Variants in UBR4 observed in about 807,000 individuals in gnomAD.
The protein encoded by UBR4 is E3 ubiquitin-protein ligase UBR4.
A neutral mutation model predicts 575.6 loss-of-function variants in UBR4; 124 were observed. The observed-to-expected ratio is 0.22, with a 90% CI of 0.19 to 0.25. The LOEUF (loss-of-function observed/expected upper bound fraction) is 0.25, where lower values mean the gene tolerates loss of function less well. Among genes scored for constraint, UBR4 ranks in the 10% least tolerant of loss-of-function variants. The pLI, the probability that UBR4 is intolerant of heterozygous loss-of-function variation, is 1.00. For synonymous variants in UBR4, 2,455 were observed against 2,473.7 expected, an observed-to-expected ratio of 0.99 and a Z score of 0.22; for missense variants, 4,818 against 6,478.8, an observed-to-expected ratio of 0.74 and a Z score of 8.80.
At chr1:19,138,207 CA>C (rs759100064) in intron 59 of UBR4, 26 bp from the exon 60 acceptor site, 20 of 1,477,716 alleles carry the variant, frequency 1.4e-5, no homozygotes, top group Non-Finnish European at 1.7e-5. Context: ...TTAAAAAGCA[CA>C]AATCAACTCC....
intron 4 of UBR4, 44 bp downstream of exon 4, chr1:19,198,755 C>T: frequency 6.2e-7 from 1 of 1,612,968 alleles, no homozygotes; most frequent in Non-Finnish European, 8.5e-7. Context: ...GAAAAGGTGC[C>T]ATGGGGGTGG....
At position 19,119,408 on chromosome 1, in the gene UBR4, T is replaced by A. The variant is rs780972359; in HGVS notation, c.10455+149A>T. 757 of 1,119,546 alleles carry A rather than the reference T, an allele frequency of 6.8e-4. 1 individual carries two copies. The highest frequency in any genetic ancestry group is 8.7e-4 in the Non-Finnish European group (681 of 783,726). 69.4% of individuals were successfully genotyped at this position (1,119,546 alleles called of 1,614,324 possible). On this transcript the variant is annotated intron_variant, in intron 70 of 105. Transcript: ENST00000375254. The stretch of plus-strand genomic sequence containing the variant: ...GTCTACATCACAGACATATTACGAG[T>A]GCTTACCAAGAAATGCAAAACTAGA...
intron 55 of UBR4, among the ~76,000 whole-genome samples, chr1:19,143,302 G>T (rs879503407): frequency 4.2e-4 from 50 of 117,960 alleles, no homozygotes; most frequent in South Asian, 1.0e-3. Flanking sequence ...AAGAAAGAAA[G>T]AAAGAAAGAA....
intron 26 of UBR4, among the ~76,000 whole-genome samples, chr1:19,170,527 G>A (rs1037068426): frequency 1.3e-5 from 2 of 152,248 alleles, no homozygotes; most frequent in African/African-American, 4.8e-5. Context: ...GCAAGATGCA[G>A]GATTGTGGAC....
chr1:19,177,454 T>C lies in UBR4; in HGVS notation c.2637+7A>G. On this transcript the variant is annotated splice_region_variant and intron_variant, in intron 19 of 105. Transcript: ENST00000375254. ...GGTGAAGCAAAAAAGAACGTGTTGG[T>C]CTGTACCTGCTCAAATAGATACACA... 6.2e-7 allele frequency: 1 copy of C among 1,612,768 alleles called. No individual in the cohort carries two copies. The highest frequency in any genetic ancestry group is 8.5e-7 in the Non-Finnish European group (1 of 1,178,882).
intron 73 of UBR4, 99 bp from the exon 74 acceptor site, chr1:19,115,736 G>A: frequency 1.3e-6 from 2 of 1,511,054 alleles, no homozygotes; most frequent in Non-Finnish European, 1.8e-6. Context: ...TTTTTCTAAG[G>A]CAATTAAGTG....
intron 105 of UBR4, among the ~76,000 whole-genome samples, chr1:19,076,357 C>A (rs1171517876): frequency 6.6e-6 from 1 of 152,204 alleles, no homozygotes; most frequent in Non-Finnish European, 1.5e-5. Context: ...CATTAAAAAA[C>A]AGACTCAAAC....
Position 19,104,602 on chromosome 1 carries a change from G to A in UBR4, c.12710C>T (p.Ala4237Val). The change falls in exon 86 of 106, where the codon GCC becomes GTC. Residue 4237 changes from alanine to valine, a missense_variant. By Grantham distance (64) the Ala-to-Val change is moderately conservative. Around this residue, in one of 29 missense-constraint regions of UBR4, gnomAD observed 105 missense variants for 232.8 expected, o/e 0.45. Coordinates refer to ENST00000375254, the MANE Select transcript of UBR4 (RefSeq NM_020765.3). ...TLSTDLQQGY[A>V]LKSLTGLLSS... The stretch of plus-strand genomic sequence containing the variant: ...CTCTTTACCTGTGAGACTTTTAAGG[G>A]CATAACCCTGCTGCAGATCGGTACT... The A allele has an allele frequency of 6.2e-7, 1 of 1,614,080 alleles. No individual in the cohort carries two copies. The highest frequency in any genetic ancestry group is 2.2e-5 in the East Asian group (1 of 44,876).
chr1:19,188,669 A>G (rs1212058666), intron 11 of UBR4, among the ~76,000 whole-genome samples: 3 of 152,218 alleles, frequency 2.0e-5, no homozygotes, highest in Non-Finnish European at 4.4e-5. Context: ...AATCAAAAAG[A>G]AAAAAGAACA....
At chr1:19,076,959 C>A in intron 104 of UBR4, 57 bp from the exon 105 acceptor site, 2 of 1,510,846 alleles carry the variant, frequency 1.3e-6, no homozygotes, top group Non-Finnish European at 1.8e-6. Flanking sequence ...CCTCATCTTC[C>A]GCCTCAAGTC....
chr1:19,114,108 T>C (rs1004592806), intron 75 of UBR4, 38 bp from the exon 76 acceptor site: 16 of 1,595,690 alleles, frequency 1.0e-5, no homozygotes, highest in Non-Finnish European at 1.4e-5. Flanking sequence ...GAAGGCTTTT[T>C]GGCTGATGAC....
chr1:19,179,302 G>A lies in UBR4; in HGVS notation c.2185-82C>T. Reference sequence around the variant, plus strand: ...AGGTTACTCATGTTCTCAAACGTTTGTTTGTTTAATATTGAACAGAATATT... The same window carrying A: ...AGGTTACTCATGTTCTCAAACGTTTATTTGTTTAATATTGAACAGAATATT... On this transcript the variant is annotated intron_variant, in intron 17 of 105. Transcript: ENST00000375254. 2.9e-6 allele frequency: 4 copies of A among 1,376,278 alleles called. No homozygotes were observed. The South Asian group carries it at 7.1e-5, about 25-fold the overall frequency. 85.3% of individuals were successfully genotyped at this position (1,376,278 alleles called of 1,614,324 possible).
intron 18 of UBR4, 95 bp downstream of exon 18, chr1:19,178,956 G>A (rs753902926): frequency 6.8e-7 from 1 of 1,461,578 alleles, no homozygotes; most frequent in Non-Finnish European, 9.4e-7. Flanking sequence ...TATCATTACA[G>A]CAAAGCCTCA....
chr1:19,121,213 C>G lies in UBR4; in HGVS notation c.10117G>C (p.Glu3373Gln). The G allele has an allele frequency of 6.2e-7, 1 of 1,613,892 alleles. No homozygotes were observed. The highest frequency in any genetic ancestry group is 8.5e-7 in the Non-Finnish European group (1 of 1,179,954). The change falls in exon 68 of 106, where the codon GAA becomes CAA. Residue 3373 changes from glutamate to glutamine, a missense_variant. Transcript: ENST00000375254. ...CCATCTTTCTCCTTTTCTTTTTCTT[C>G]TTTCTTGCTCTTTTTAGTGGAAGAC... ...SKSSTKKSKK[E>Q]EKEKEKDGET... is the part of the protein sequence containing the mutation.
At chr1:19,199,605 C>T (rs762113813) in intron 3 of UBR4, 46 bp downstream of exon 3, 3 of 1,577,002 alleles carry the variant, frequency 1.9e-6, no homozygotes, top group Middle Eastern at 3.3e-4. Context: ...TAGTCAGTCA[C>T]AACACTGCTT....
chr1:19,189,977 C>G (rs149289603), intron 11 of UBR4, among the ~76,000 whole-genome samples: 1 of 152,022 alleles, frequency 6.6e-6, no homozygotes, highest in African/African-American at 2.4e-5. Flanking sequence ...TGCCCCTGTT[C>G]TAATACTCTC....
intron 22 of UBR4, among the ~76,000 whole-genome samples, 175 bp downstream of exon 22, chr1:19,174,144 T>C (rs1424821349): frequency 6.6e-6 from 1 of 152,226 alleles, no homozygotes; most frequent in African/African-American, 2.4e-5. Flanking sequence ...CAACAGCTGA[T>C]TAAATTATCT....
intron 77 of UBR4, chr1:19,113,257 C>T (rs2080105370): frequency 7.7e-6 from 2 of 259,860 alleles, no homozygotes; most frequent in Non-Finnish European, 1.5e-5. Context: ...AGCCTCCCAT[C>T]TCATGGAGAT....
chr1:19,137,625 G>A (rs1325930561), intron 60 of UBR4, among the ~76,000 whole-genome samples: 3 of 152,088 alleles, frequency 2.0e-5, no homozygotes, highest in African/African-American at 4.8e-5. Flanking sequence ...CACCTAATAC[G>A]TATACCTAAA....
Sources: allele counts gnomAD v4.1 joint callset (sites outside exome capture counted in the v4.1 genomes callset), GRCh38; gene constraint gnomAD v4.1.1; regional missense constraint gnomAD v4.1.1; transcripts MANE v1.5; gene names NCBI Gene and HGNC (gene_info 2026-07-23, HGNC 2026-07-21).